Variants in AP3M2 observed in about 807,000 individuals in gnomAD.
AP3M2 encodes adaptor related protein complex 3 subunit mu 2.
In AP3M2, 28 loss-of-function variants were observed where a neutral mutation model predicts 41.6. That is an observed-to-expected ratio of 0.67 (90% CI 0.50 to 0.92). The LOEUF is 0.92. Among genes scored for constraint, AP3M2 ranks in the 40% least tolerant of loss-of-function variants. The pLI, the probability that AP3M2 is intolerant of heterozygous loss-of-function variation, is 0.00. For missense variants in AP3M2, 427 were observed against 521.4 expected (o/e 0.82, Z 1.76); for synonymous variants, 193 against 186.4 (o/e 1.04, Z -0.29).
At chr8:42,164,827 C>T (rs1461007023) in intron 4 of AP3M2, among the ~76,000 whole-genome samples, 4 of 152,236 alleles carry the variant, frequency 2.6e-5, no homozygotes, top group East Asian at 3.9e-4. Context: ...TTTTTATCAC[C>T]GTTACCTCAC....
Position 42,169,154 on chromosome 8 carries a change from G to A in AP3M2, c.*93G>A, listed in dbSNP as rs1330263777. The A allele has an allele frequency of 2.9e-6, 3 of 1,052,174 alleles. No individual in the cohort carries two copies. Among genetic ancestry groups the A allele is most frequent in the African/African-American group, 3.3e-5 (2 of 61,292 alleles). The allele number at this position is 1,052,174 out of a possible 1,614,324, so 65.2% of individuals were successfully genotyped here. On this transcript the variant is annotated 3_prime_UTR_variant, in exon 9 of 9. Coordinates refer to ENST00000396926, the MANE Select transcript of AP3M2 (RefSeq NM_006803.4). ...AAATATCAGCCTGTCTCCTAGGTCA[G>A]TCCCCTCCTGGACCCACCCGCTCCC... is the stretch of plus-strand genomic sequence containing the variant.
At chr8:42,168,451 A>G (rs1804700652) in intron 8 of AP3M2, among the ~76,000 whole-genome samples, 2 of 152,194 alleles carry the variant, frequency 1.3e-5, no homozygotes, top group African/African-American at 4.8e-5. Flanking sequence ...GGCCTTATAC[A>G]ATTTAAGTGA....
At chr8:42,158,252 T>G in intron 3 of AP3M2, 140 bp downstream of exon 3, 3 of 580,452 alleles carry the variant, frequency 5.2e-6, no homozygotes, top group Middle Eastern at 5.4e-4. Flanking sequence ...TTGTAGTTGT[T>G]TTTTTTTTTT....
At chr8:42,167,099 G>A (rs1354194546) in intron 6 of AP3M2, 65 bp from the exon 7 acceptor site, 13 of 1,445,636 alleles carry the variant, frequency 9.0e-6, no homozygotes, top group Middle Eastern at 2.1e-4. Context: ...AAAGCATCAT[G>A]TGAAAGGAAG....
Position 42,167,792 on chromosome 8 carries a change from C to T in AP3M2, c.1138C>T (p.Gln380Ter). ...CACAATTAACCTGCAGTTTAAGATC[C>T]AGCAGCTGGCCATTTCTGGTAAGTG... is the stretch of plus-strand genomic sequence containing the variant. ...NPTINLQFKI[Q>*]QLAISGLKVN... The change falls in exon 8 of 9, where the codon CAG (glutamine) becomes TAG (stop). Residue 380 changes from glutamine to a stop codon, truncating the protein, a stop_gained. Coordinates refer to ENST00000396926, the MANE Select transcript of AP3M2 (RefSeq NM_006803.4). LOFTEE classifies it high-confidence loss of function. 1 of 1,612,846 alleles carries T rather than the reference C, an allele frequency of 6.2e-7. No homozygotes were observed. The highest frequency in any genetic ancestry group is 8.5e-7 in the Non-Finnish European group (1 of 1,179,716).
rs144255322 is a variant in AP3M2, at chr8:42,165,166, T to C, written c.669+10T>C. The C allele has an allele frequency of 1.1e-3, 1,727 of 1,612,056 alleles. 2 individuals are homozygous for C. Among genetic ancestry groups the C allele is most frequent in the Middle Eastern group, 1.5e-3 (9 of 6,056 alleles). On this transcript the variant is annotated intron_variant, in intron 5 of 8. Transcript: ENST00000396926. ...TACACTTTCCTTCATGGTAAAATCC[T>C]GGGCCAGAGATTAAGTTCTTGGGAT...
chr8:42,154,839 C>T lies in AP3M2; in HGVS notation c.152C>T (p.Thr51Ile). ...GAAAATGTGCCTCCGGTTATCCCTA[C>T]CCCTCACCACTATCTCTTAAGTGTT... ...EAENVPPVIP[T>I]PHHYLLSVYR... The change falls in exon 2 of 9, where the codon ACC becomes ATC. Residue 51 changes from threonine (T) to isoleucine (I), a missense_variant. By Grantham distance (89) the Thr-to-Ile change is moderately conservative. Around this residue, in one of 3 missense-constraint regions of AP3M2, gnomAD observed 104 missense variants for 93.8 expected, o/e 1.11. Coordinates refer to ENST00000396926, the MANE Select transcript of AP3M2 (RefSeq NM_006803.4). 1 of 1,614,144 alleles carries T rather than the reference C, an allele frequency of 6.2e-7. No homozygotes were observed. The highest frequency in any genetic ancestry group is 8.5e-7 in the Non-Finnish European group (1 of 1,180,026).
At chr8:42,157,393 C>A (rs934101637) in intron 2 of AP3M2, among the ~76,000 whole-genome samples, 1 of 152,156 alleles carries the variant, frequency 6.6e-6, no homozygotes, top group Non-Finnish European at 1.5e-5. Flanking sequence ...TAGCACCTAA[C>A]GTTAGCCTTT....
In AP3M2 at chr8:42,158,106, A is replaced by G; in HGVS notation, c.439A>G (p.Ile147Val). Residue 147 changes from isoleucine (I) to valine (V), a missense_variant, in exon 3 of 9, where the codon ATC becomes GTC. Ile to Val is a conservative substitution (Grantham distance 29). Coordinates refer to ENST00000396926, the MANE Select transcript of AP3M2 (RefSeq NM_006803.4). Reference sequence around the variant, plus strand: ...CATCCTTCGAACGGTTGTCAACACCATCACAGGTACGGCAGAGGGGGAAAC... The same window carrying G: ...CATCCTTCGAACGGTTGTCAACACCGTCACAGGTACGGCAGAGGGGGAAAC... ...PTILRTVVNT[I>V]TGSTNVGDQL... 1.9e-6 allele frequency: 3 copies of G among 1,613,066 alleles called. No homozygotes were observed. The highest frequency in any genetic ancestry group is 2.5e-6 in the Non-Finnish European group (3 of 1,179,032).
At chr8:42,165,276 C>T in intron 5 of AP3M2, 120 bp downstream of exon 5, 5 of 1,436,684 alleles carry the variant, frequency 3.5e-6, no homozygotes, top group Non-Finnish European at 4.8e-6. Context: ...CGAAGCTTGT[C>T]TCAGGCTTGA....
chr8:42,168,841 G>A, intron 8 of AP3M2, 120 bp from the exon 9 acceptor site: 1 of 679,748 alleles, frequency 1.5e-6, no homozygotes, highest in East Asian at 2.8e-5. Context: ...CTGCATAAGT[G>A]GTTCCCTGTC....
At chr8:42,162,817 A>G (rs1804540737) in intron 4 of AP3M2, among the ~76,000 whole-genome samples, 1 of 151,820 alleles carries the variant, frequency 6.6e-6, no homozygotes, top group South Asian at 2.1e-4. Flanking sequence ...ATAGTTGTGC[A>G]TGCCTGTATT....
In AP3M2 at chr8:42,167,249, C is replaced by T. The variant is rs947939973; in HGVS notation, c.889C>T (p.Pro297Ser). 6.2e-7 allele frequency: 1 copy of T among 1,614,046 alleles called. No individual in the cohort carries two copies. ...TGGACGCTTTGAAATAACGGTGGGA[C>T]CCAAGCAGACGATGGGGAAGACCAT... ...SLGRFEITVGPKQTMGKTIEG... is the reference protein window; with the variant it reads ...SLGRFEITVGSKQTMGKTIEG... The change falls in exon 7 of 9, where the codon CCC becomes TCC. Residue 297 changes from proline to serine, a missense_variant. Pro to Ser is a moderately conservative substitution (Grantham distance 74). Around this residue, in one of 3 missense-constraint regions of AP3M2, gnomAD observed 237 missense variants for 284.9 expected, o/e 0.83. Coordinates refer to ENST00000396926, the MANE Select transcript of AP3M2 (RefSeq NM_006803.4).
chr8:42,168,818 G>C, intron 8 of AP3M2, 143 bp from the exon 9 acceptor site: 1 of 554,624 alleles, frequency 1.8e-6, no homozygotes, highest in Admixed American at 3.7e-5. Flanking sequence ...CAAGACTGGA[G>C]AATCCATCTG....
chr8:42,162,196 TGGG>T (rs1186086008), intron 3 of AP3M2, 82 bp from the exon 4 acceptor site: 17 of 1,344,692 alleles, frequency 1.3e-5, no homozygotes, highest in Admixed American at 2.5e-5. Context: ...GCATGAATAG[TGGG>T]AGCATAGAAA....
In AP3M2 at chr8:42,170,193, G is replaced by A. The variant is rs1041599521; in HGVS notation, c.*1132G>A. On this transcript the variant is annotated 3_prime_UTR_variant, in exon 9 of 9. Transcript: ENST00000396926. ...GAAAAAGAGAAAGCTTACCATCGAG[G>A]GTGTGGTTGATCCTTGAAGCTGCTT... 1.3e-5 allele frequency: 2 copies of A among 152,164 alleles called. No individual in the cohort carries two copies. The highest frequency in any genetic ancestry group is 2.9e-5 in the Non-Finnish European group (2 of 68,044). 9.4% of individuals were successfully genotyped at this position (152,164 alleles called of 1,614,324 possible).
rs1804770516 is a variant in AP3M2 at position 42,170,506 on chromosome 8, G to C, written c.*1445G>C. On this transcript the variant is annotated 3_prime_UTR_variant, in exon 9 of 9. Coordinates refer to ENST00000396926, the MANE Select transcript of AP3M2 (RefSeq NM_006803.4). The stretch of plus-strand genomic sequence containing the variant: ...TTATACAAAAGGGTTTTTGTTTATA[G>C]CTTAAGGAATGATACTGTGCTCTGC... 6.6e-6 allele frequency: 1 copy of C among 152,158 alleles called. No homozygotes were observed. Among genetic ancestry groups the C allele is most frequent in the African/African-American group, 2.4e-5 (1 of 41,438 alleles). The allele number at this position is 152,158 out of a possible 1,614,324, so 9.4% of individuals were successfully genotyped here. A position where few individuals can be genotyped will look rare whatever the true frequency, so the allele number is the denominator to read the frequency against.
chr8:42,165,630 A>G (rs1309310906), intron 6 of AP3M2, 70 bp downstream of exon 6: 39 of 1,559,742 alleles, frequency 2.5e-5, no homozygotes, highest in Non-Finnish European at 3.2e-5. Flanking sequence ...ATCTGTGGTG[A>G]TTAAGAACTC....
intron 1 of AP3M2, chr8:42,153,840 T>C (rs1295532856): frequency 6.6e-6 from 1 of 152,012 alleles, no homozygotes; most frequent in Non-Finnish European, 1.5e-5. Flanking sequence ...TAAGGAGTGC[T>C]CAGAGAATAG....
Sources: gnomAD v4.1 joint callset for allele counts (sites outside exome capture counted in the v4.1 genomes callset) on GRCh38, gnomAD v4.1.1 for gene constraint, gnomAD v4.1.1 regional missense constraint, MANE v1.5 for transcripts, NCBI Gene and HGNC (gene_info 2026-07-23, HGNC 2026-07-21) for gene names.